SERPINC1: variants seen among roughly 807,000 people sequenced by gnomAD.
SERPINC1 encodes the protein antithrombin-III.
A neutral mutation model predicts 43.4 loss-of-function variants in SERPINC1; 12 were observed. That is an observed-to-expected ratio of 0.28 (90% CI 0.18 to 0.45). The LOEUF is 0.45. SERPINC1 is among the 20% of genes least tolerant of loss of function. The probability of loss-of-function intolerance (pLI) is 1.00; values close to 1 mark genes in which losing one functional copy is unlikely to be tolerated. For synonymous variants in SERPINC1, 210 were observed against 218.9 expected, an observed-to-expected ratio of 0.96 and a Z score of 0.36; for missense variants, 423 against 578.8, an observed-to-expected ratio of 0.73 and a Z score of 2.76.
rs775919922 is a variant in SERPINC1, at chr1:173,917,290, T to A, written c.-31A>T. The A allele has an allele frequency of 1.4e-5, 23 of 1,609,118 alleles. No homozygotes were observed. The highest frequency in any genetic ancestry group is 3.3e-4 in the Middle Eastern group (2 of 6,066). The stretch of plus-strand genomic sequence containing the variant: ...CTAATCTTCCACAGGGCTGGGCAAG[T>A]GGAGATAGTGTGATCTGAGGCAATC... On this transcript the variant is annotated 5_prime_UTR_variant, in exon 1 of 7. Transcript: ENST00000367698.
chr1:173,913,549 C>T (rs1478120182), intron 2 of SERPINC1, among the ~76,000 whole-genome samples: 9 of 152,148 alleles, frequency 5.9e-5, no homozygotes. Flanking sequence ...CCAAGTCAGG[C>T]CGATCCCTTG....
chr1:173,910,306 C>T (rs946110069), intron 4 of SERPINC1, among the ~76,000 whole-genome samples: 5 of 152,208 alleles, frequency 3.3e-5, no homozygotes, highest in Middle Eastern at 3.4e-3. Flanking sequence ...CTGCCGGGCG[C>T]GGTGGCTCAT....
intron 2 of SERPINC1, 34 bp downstream of exon 2, chr1:173,914,519 A>G: frequency 6.2e-7 from 1 of 1,613,222 alleles, no homozygotes; most frequent in Non-Finnish European, 8.5e-7. Flanking sequence ...GGTGCTCCTA[A>G]CAAGGTGGCT....
At chr1:173,915,391 T>TGG in intron 1 of SERPINC1, among the ~76,000 whole-genome samples, 1 of 152,194 alleles carries the variant, frequency 6.6e-6, no homozygotes, top group Non-Finnish European at 1.5e-5. Context: ...AAAGGCAATA[T>TGG]CTGGCCGGGT....
chr1:173,911,778 G>A (rs1289737131), intron 3 of SERPINC1, 21 bp downstream of exon 3: 29 of 1,587,876 alleles, frequency 1.8e-5, no homozygotes, highest in Non-Finnish European at 2.5e-5. Flanking sequence ...TCGGAGGTCA[G>A]GGGTAACATC....
intron 4 of SERPINC1, 87 bp from the exon 5 acceptor site, chr1:173,910,029 T>TC: frequency 7.6e-7 from 1 of 1,313,406 alleles, no homozygotes; most frequent in South Asian, 1.2e-5. Context: ...AGTGTTACAT[T>TC]AATATATAAT....
At chr1:173,916,782 G>A (rs879388169) in intron 1 of SERPINC1, among the ~76,000 whole-genome samples, 1 of 152,150 alleles carries the variant, frequency 6.6e-6, no homozygotes, top group Non-Finnish European at 1.5e-5. Flanking sequence ...TGGCCCTTTA[G>A]TCAAAGGTCA....
chr1:173,915,028 C>T (rs962266912), intron 1 of SERPINC1, 109 bp from the exon 2 acceptor site: 2 of 1,538,260 alleles, frequency 1.3e-6, no homozygotes, highest in Admixed American at 3.9e-5. Context: ...CTGGTGTGGC[C>T]AAGAGAAAGG....
intron 6 of SERPINC1, among the ~76,000 whole-genome samples, chr1:173,904,618 A>G (rs1050601199): frequency 3.3e-5 from 5 of 152,148 alleles, no homozygotes; most frequent in African/African-American, 1.2e-4. Flanking sequence ...CTAGAGGGAA[A>G]CACCTTCAGA....
chr1:173,905,699 CGA>C (rs954871938), intron 6 of SERPINC1, among the ~76,000 whole-genome samples: 7 of 150,624 alleles, frequency 4.6e-5, no homozygotes, highest in Non-Finnish European at 8.8e-5. Flanking sequence ...CCAGCCTAGG[CGA>C]GAGAGCAAGA....
chr1:173,905,696 A>C, intron 6 of SERPINC1, among the ~76,000 whole-genome samples: 1 of 151,534 alleles, frequency 6.6e-6, no homozygotes. Flanking sequence ...ATTCCAGCCT[A>C]GGCGAGAGAG....
chr1:173,905,626 C>T (rs1219469081), intron 6 of SERPINC1, among the ~76,000 whole-genome samples: 2 of 151,904 alleles, frequency 1.3e-5, no homozygotes, highest in Non-Finnish European at 1.5e-5. Flanking sequence ...GAGGCTGAGG[C>T]GAGAGGATCG....
chr1:173,911,749 C>T, intron 3 of SERPINC1, 50 bp downstream of exon 3: 1 of 1,411,336 alleles, frequency 7.1e-7, no homozygotes. Flanking sequence ...TCCTCAATCT[C>T]TGAGTGGAGA....
intron 1 of SERPINC1, among the ~76,000 whole-genome samples, chr1:173,916,280 T>C (rs1261220257): frequency 2.6e-5 from 4 of 152,160 alleles, no homozygotes; most frequent in Non-Finnish European, 5.9e-5. Flanking sequence ...GGGGTCTGTG[T>C]GTGGGTACTG....
chr1:173,910,042 T>C (rs1483245808), intron 4 of SERPINC1, 100 bp from the exon 5 acceptor site: 10 of 1,245,072 alleles, frequency 8.0e-6, no homozygotes, highest in Non-Finnish European at 1.2e-5. Flanking sequence ...TATATAATTA[T>C]TCGGAAAAAA....
Position 173,912,417 on chromosome 1 carries a change from G to C in SERPINC1, c.409-403C>G, listed in dbSNP as rs187826738. ...CTGCTCATGGAGGCTCTGGGATACT[G>C]GTGGTAGGGGTGAAAAAGGAAGAGT... On this transcript the variant is annotated intron_variant, in intron 2 of 6. Coordinates refer to ENST00000367698, the MANE Select transcript of SERPINC1 (RefSeq NM_000488.4). Among the ~76,000 whole-genome samples, 179 of 152,280 alleles carry C rather than the reference G, an allele frequency of 1.2e-3. 1 individual carries two copies. Among genetic ancestry groups the C allele is most frequent in the Non-Finnish European group, 1.7e-3 (115 of 68,008 alleles).
Position 173,911,856 on chromosome 1 carries a change from G to A in SERPINC1, c.567C>T (p.Thr189=). ...ATACCAACTCACTGATGTCCTGGTA[G>A]GTCTCATTGAAGGTAAGGGATTTGT... ...FGDKSLTFNE[T]YQDISELVYG... is the part of the protein sequence containing the mutation. Residue 189 remains threonine (T), a synonymous_variant, in exon 3 of 7, where the codon ACC becomes ACT. Coordinates refer to ENST00000367698, the MANE Select transcript of SERPINC1 (RefSeq NM_000488.4). 1.9e-6 allele frequency: 3 copies of A among 1,614,172 alleles called. No homozygotes were observed. Among genetic ancestry groups the A allele is most frequent in the Non-Finnish European group, 2.5e-6 (3 of 1,180,024 alleles).
At chr1:173,908,335 C>CA (rs1328538502) in intron 5 of SERPINC1, among the ~76,000 whole-genome samples, 2 of 151,390 alleles carry the variant, frequency 1.3e-5, no homozygotes, top group African/African-American at 2.4e-5. Context: ...ACTAAAAATG[C>CA]AAAAATTAGC....
chr1:173,909,219 T>C (rs563389694), intron 5 of SERPINC1, among the ~76,000 whole-genome samples: 1 of 152,102 alleles, frequency 6.6e-6, no homozygotes, highest in Non-Finnish European at 1.5e-5. Flanking sequence ...GGGAACCACA[T>C]TTCCCCAGCT....
Sources: gnomAD v4.1 joint callset for allele counts (sites outside exome capture counted in the v4.1 genomes callset) on GRCh38, gnomAD v4.1.1 for gene constraint, MANE v1.5 for transcripts, NCBI Gene and HGNC (gene_info 2026-07-23, HGNC 2026-07-21) for gene names.